OXSR1: variants seen among roughly 807,000 people sequenced by gnomAD.
OXSR1 encodes oxidative stress responsive kinase 1.
A neutral mutation model predicts 79.8 loss-of-function variants in OXSR1; 24 were observed. The ratio of observed to expected loss-of-function variants is 0.30; its 90% confidence interval spans 0.22 to 0.42. The LOEUF (loss-of-function observed/expected upper bound fraction) is 0.42. OXSR1 is among the 10% of genes least tolerant of loss of function. OXSR1 has a pLI of 1.00. For missense variants in OXSR1, 430 were observed against 618.4 expected (o/e 0.70, Z 3.23); for synonymous variants, 226 against 209.2 (o/e 1.08, Z -0.69).
chr3:38,178,043 GCTTC>G (rs1328312356), intron 1 of OXSR1, among the ~76,000 whole-genome samples: 8 of 152,176 alleles, frequency 5.3e-5, no homozygotes, highest in African/African-American at 1.9e-4. Flanking sequence ...CTGCCTCCCA[GCTTC>G]AAGCAATTCT....
intron 8 of OXSR1, among the ~76,000 whole-genome samples, chr3:38,226,466 C>T (rs1350459525): frequency 1.3e-5 from 2 of 152,012 alleles, no homozygotes; most frequent in Non-Finnish European, 2.9e-5. Flanking sequence ...TGAGTGTGAG[C>T]TGGACTTGTT....
chr3:38,210,368 G>A (rs1355430868), intron 4 of OXSR1, among the ~76,000 whole-genome samples: 1 of 152,130 alleles, frequency 6.6e-6, no homozygotes, highest in Non-Finnish European at 1.5e-5. Flanking sequence ...AGGTGGTTAA[G>A]CTCTGATAAA....
intron 6 of OXSR1, among the ~76,000 whole-genome samples, chr3:38,223,421 C>T (rs918305797): frequency 3.3e-5 from 5 of 151,724 alleles, no homozygotes; most frequent in Middle Eastern, 3.4e-3. Flanking sequence ...CAAGAGCCAC[C>T]GTGCCCCACC....
intron 8 of OXSR1, among the ~76,000 whole-genome samples, chr3:38,227,593 A>G (rs1305976055): frequency 6.6e-6 from 1 of 151,826 alleles, no homozygotes; most frequent in Non-Finnish European, 1.5e-5. Flanking sequence ...ACACAAATGT[A>G]CGTATACATA....
intron 15 of OXSR1, 45 bp from the exon 16 acceptor site, chr3:38,251,358 C>T: frequency 6.6e-7 from 1 of 1,506,598 alleles, no homozygotes; most frequent in Non-Finnish European, 9.2e-7. Context: ...TTAACAGTGG[C>T]AAGCACGCAC....
chr3:38,191,051 C>G (rs1288409545), intron 3 of OXSR1, among the ~76,000 whole-genome samples: 1 of 151,972 alleles, frequency 6.6e-6, no homozygotes, highest in Admixed American at 6.6e-5. Flanking sequence ...TTAAATCTCT[C>G]TTAATTCTTT....
chr3:38,254,161 C>G lies in OXSR1; in HGVS notation c.*1270C>G. The G allele has an allele frequency of 2.5e-6, 1 of 398,720 alleles. No homozygotes were observed. Among genetic ancestry groups the G allele is most frequent in the African/African-American group, 2.1e-5 (1 of 48,698 alleles). The allele number at this position is 398,720 out of a possible 1,614,324, so 24.7% of individuals were successfully genotyped here. On this transcript the variant is annotated 3_prime_UTR_variant, in exon 18 of 18. Coordinates refer to ENST00000311806, the MANE Select transcript of OXSR1 (RefSeq NM_005109.3). Reference sequence around the variant, plus strand: ...TATATGAGTGGGATACTCAATCTGGCCTTAAAAAGATACACAAAGATGGGC... The same window carrying G: ...TATATGAGTGGGATACTCAATCTGGGCTTAAAAAGATACACAAAGATGGGC...
In OXSR1 at chr3:38,254,365, C is replaced by T. The variant is rs1332198866; in HGVS notation, c.*1474C>T. The T allele has an allele frequency of 2.5e-6, 1 of 395,540 alleles. No homozygotes were observed. Among genetic ancestry groups the T allele is most frequent in the Non-Finnish European group, 4.5e-6 (1 of 224,546 alleles). 24.5% of individuals were successfully genotyped at this position (395,540 alleles called of 1,614,324 possible). A position where few individuals can be genotyped will look rare whatever the true frequency, so the allele number is the denominator to read the frequency against. Reference sequence around the variant, plus strand: ...TTCATTCTGAGTCTTTAGTTTTAGTCATGGGCTTTCTTCACCTGCTCTAGG... The same window carrying T: ...TTCATTCTGAGTCTTTAGTTTTAGTTATGGGCTTTCTTCACCTGCTCTAGG... On this transcript the variant is annotated 3_prime_UTR_variant, in exon 18 of 18. Transcript: ENST00000311806.
intron 11 of OXSR1, 151 bp downstream of exon 11, chr3:38,237,112 G>A: frequency 3.2e-6 from 2 of 632,592 alleles, no homozygotes; most frequent in Admixed American, 3.2e-5. Flanking sequence ...ATGGAAAGTT[G>A]GACTTAGATA....
intron 4 of OXSR1, among the ~76,000 whole-genome samples, chr3:38,213,838 T>C (rs1702434052): frequency 6.6e-6 from 1 of 152,250 alleles, no homozygotes; most frequent in South Asian, 2.1e-4. Context: ...ATAAGCATAA[T>C]GTATGTCTCT....
At chr3:38,184,527 C>G (rs944583495) in intron 2 of OXSR1, among the ~76,000 whole-genome samples, 5 of 152,168 alleles carry the variant, frequency 3.3e-5, no homozygotes, top group Non-Finnish European at 7.3e-5. Context: ...CATATTAAGA[C>G]TAGAATTTGG....
At position 38,246,193 on chromosome 3, in the gene OXSR1, C is replaced by A; in HGVS notation, c.1229C>A (p.Pro410His). The part of the protein sequence containing the change: ...ATQPTQVSLP[P>H]TAEPAKTAQA... ...CAGCCAACTCAAGTCTCTCTCCCACCCACCGCAGAGCCAGCAAAAACAGCT... is the reference window on the plus strand; with the variant it reads ...CAGCCAACTCAAGTCTCTCTCCCACACACCGCAGAGCCAGCAAAAACAGCT... Residue 410 changes from proline (P) to histidine (H), a missense_variant, in exon 13 of 18, where the codon CCC becomes CAC. By Grantham distance (77) the Pro-to-His change is moderately conservative. Around this residue, in one of 3 missense-constraint regions of OXSR1, gnomAD observed 276 missense variants for 354.2 expected, o/e 0.78. Transcript: ENST00000311806. 1 of 1,613,750 alleles carries A rather than the reference C, an allele frequency of 6.2e-7. No individual in the cohort carries two copies. The highest frequency in any genetic ancestry group is 8.5e-7 in the Non-Finnish European group (1 of 1,179,780).
At chr3:38,243,003 G>GTTAT (rs34493594) in intron 12 of OXSR1, among the ~76,000 whole-genome samples, 16,494 of 146,210 alleles carry the variant, frequency 0.11, 1,087 homozygotes, top group African/African-American at 0.15. Flanking sequence ...GAAGTGAAAA[G>GTTAT]TTATTTATTT....
At chr3:38,196,430 A>G (rs1439589964) in intron 3 of OXSR1, among the ~76,000 whole-genome samples, 1 of 152,126 alleles carries the variant, frequency 6.6e-6, no homozygotes, top group Non-Finnish European at 1.5e-5. Context: ...TCTCTCAGTT[A>G]AGGATGAAGG....
At chr3:38,203,753 C>T (rs541835282) in intron 4 of OXSR1, among the ~76,000 whole-genome samples, 63 of 152,288 alleles carry the variant, frequency 4.1e-4, no homozygotes, top group Admixed American at 3.5e-3. Context: ...ACCCCTGTGG[C>T]TACCAGCACT....
At position 38,247,736 on chromosome 3, in the gene OXSR1, A is replaced by C. The variant is rs773013290; in HGVS notation, c.1322+4A>C. ...TCAGTCTAGTACTAAGATTAAGGTAAGTAGACATTTTTTGTTTTGTTTTCT... is the reference window on the plus strand; with the variant it reads ...TCAGTCTAGTACTAAGATTAAGGTACGTAGACATTTTTTGTTTTGTTTTCT... On this transcript the variant is annotated splice_donor_region_variant and intron_variant, in intron 14 of 17. Coordinates refer to ENST00000311806, the MANE Select transcript of OXSR1 (RefSeq NM_005109.3). The C allele has an allele frequency of 1.3e-6, 2 of 1,597,746 alleles. No individual in the cohort carries two copies. The highest frequency in any genetic ancestry group is 1.7e-6 in the Non-Finnish European group (2 of 1,165,572).
intron 6 of OXSR1, among the ~76,000 whole-genome samples, chr3:38,223,059 A>G (rs568173337): frequency 1.3e-5 from 2 of 152,180 alleles, no homozygotes; most frequent in South Asian, 4.1e-4. Flanking sequence ...ATATATTTAG[A>G]TTTTGCCTAC....
chr3:38,183,832 A>G (rs775425097), intron 2 of OXSR1, among the ~76,000 whole-genome samples: 1 of 152,186 alleles, frequency 6.6e-6, no homozygotes, highest in Non-Finnish European at 1.5e-5. Context: ...GCTACCCAGA[A>G]TAGTTTTAAG....
intron 11 of OXSR1, among the ~76,000 whole-genome samples, chr3:38,237,731 A>G (rs1702947536): frequency 1.3e-5 from 2 of 152,214 alleles, no homozygotes; most frequent in African/African-American, 4.8e-5. Flanking sequence ...AGTCCTTGCC[A>G]ATGGAAGTTG....
Sources: allele counts gnomAD v4.1 joint callset (sites outside exome capture counted in the v4.1 genomes callset), GRCh38; gene constraint gnomAD v4.1.1; regional missense constraint gnomAD v4.1.1; transcripts MANE v1.5; gene names NCBI Gene and HGNC (gene_info 2026-07-23, HGNC 2026-07-21).